The following HID1 variants were observed in gnomAD, a reference collection of about 807,000 sequenced individuals.
HID1 encodes the protein protein HID1.
Under a neutral mutation model 89.7 loss-of-function variants are expected in HID1, and 42 were observed. The observed-to-expected ratio is 0.47, with a 90% CI of 0.37 to 0.61. The LOEUF (loss-of-function observed/expected upper bound fraction) is 0.61, where lower values mean the gene tolerates loss of function less well. Among genes scored for constraint, HID1 ranks in the 20% least tolerant of loss-of-function variants. The pLI, the probability that HID1 is intolerant of heterozygous loss-of-function variation, is 0.00. For synonymous variants in HID1, 442 were observed against 433.8 expected (o/e 1.02, Z -0.24); for missense variants, 854 against 1,039.3 (o/e 0.82, Z 2.45).
intron 1 of HID1, among the ~76,000 whole-genome samples, chr17:74,969,809 C>G (rs995772559): frequency 6.6e-6 from 1 of 151,560 alleles, no homozygotes; most frequent in Non-Finnish European, 1.5e-5. Context: ...CTGTGTTGCC[C>G]AGGCTGGTCT....
rs368173041 is a variant in HID1, at chr17:74,962,185, G to A, written c.611+49C>T. ...GGCTTTCTGAGCTGTGCGGGGGCCC[G>A]GCCCGGGGTCCAGCTGCATTGAGGG... On this transcript the variant is annotated intron_variant, in intron 5 of 18. Transcript: ENST00000425042. This position sits in a 1 kb window ranked among gnomAD's most constrained non-coding sequence, Gnocchi z 4.3. 4.2e-5 allele frequency: 62 copies of A among 1,488,338 alleles called. No individual in the cohort carries two copies. The highest frequency in any genetic ancestry group is 1.8e-4 in the Middle Eastern group (1 of 5,578). 92.2% of individuals were successfully genotyped at this position (1,488,338 alleles called of 1,614,324 possible).
intron 1 of HID1, among the ~76,000 whole-genome samples, chr17:74,965,094 C>T (rs188278528): frequency 1.3e-5 from 2 of 152,366 alleles, no homozygotes; most frequent in African/African-American, 2.4e-5. Context: ...CACAGGCCTC[C>T]GGCTCTGCCC....
At chr17:74,955,310 C>T (rs967233518) in intron 13 of HID1, among the ~76,000 whole-genome samples, 3 of 152,204 alleles carry the variant, frequency 2.0e-5, no homozygotes, top group Middle Eastern at 3.4e-3. Context: ...TTTGGGAGGC[C>T]GAGGCAGGCA....
In HID1 at chr17:74,958,073, G is replaced by A; in HGVS notation, c.1471+68C>T. 7.1e-7 allele frequency: 1 copy of A among 1,409,482 alleles called. No homozygotes were observed. The highest frequency in any genetic ancestry group is 9.8e-7 in the Non-Finnish European group (1 of 1,023,808). 87.3% of individuals were successfully genotyped at this position (1,409,482 alleles called of 1,614,324 possible). On this transcript the variant is annotated intron_variant, in intron 12 of 18. Transcript: ENST00000425042. This position sits in a 1 kb window ranked among gnomAD's most constrained non-coding sequence, Gnocchi z 5.2. Reference sequence around the variant, plus strand: ...GAGGGGCTTGAAACCTGGAGCAAGTGGCAGGTTGGCCTGTGGCCTGACACC... The same window carrying A: ...GAGGGGCTTGAAACCTGGAGCAAGTAGCAGGTTGGCCTGTGGCCTGACACC...
In HID1 at chr17:74,954,337, G is replaced by C; in HGVS notation, c.1665C>G (p.Ile555Met). The change falls in exon 14 of 19, where the codon ATC becomes ATG. Residue 555 changes from isoleucine (I) to methionine (M), a missense_variant. By Grantham distance (10) the Ile-to-Met change is conservative (BLOSUM62 1). Transcript: ENST00000425042. Reference sequence around the variant, plus strand: ...GCTGGTGGAAGATGCTGCGCTTGCGGATGATGGCGTAGACCAGGTTGGAGT... The same window carrying C: ...GCTGGTGGAAGATGCTGCGCTTGCGCATGATGGCGTAGACCAGGTTGGAGT... ...DGNSNLVYAI[I>M]RKRSIFHQLA... 3.2e-6 allele frequency: 5 copies of C among 1,577,156 alleles called. No homozygotes were observed. Among genetic ancestry groups the C allele is most frequent in the Non-Finnish European group, 4.3e-6 (5 of 1,161,962 alleles).
chr17:74,967,283 G>A (rs2039577238), intron 1 of HID1, among the ~76,000 whole-genome samples: 1 of 151,740 alleles, frequency 6.6e-6, no homozygotes, highest in African/African-American at 2.4e-5. Context: ...GCTCACGCCT[G>A]TAATTCCAGC....
intron 2 of HID1, 58 bp from the exon 3 acceptor site, chr17:74,963,968 C>G (rs2039524428): frequency 6.3e-7 from 1 of 1,594,300 alleles, no homozygotes; most frequent in Non-Finnish European, 8.6e-7. Flanking sequence ...GACCCTGGCA[C>G]TTGGGGTCAG....
intron 1 of HID1, among the ~76,000 whole-genome samples, chr17:74,968,213 C>A (rs1444375555): frequency 6.6e-6 from 1 of 151,608 alleles, no homozygotes; most frequent in Non-Finnish European, 1.5e-5. Flanking sequence ...CCCCACCCCA[C>A]CCCCACCCTG....
At position 74,951,425 on chromosome 17, in the gene HID1, G is replaced by C; in HGVS notation, c.*145C>G. ...CAGTTCACATTGTCCTGGCCACAGG[G>C]GTCTCTAGGGCATGACACTCAGGGC... On this transcript the variant is annotated 3_prime_UTR_variant, in exon 19 of 19. Transcript: ENST00000425042. 2 of 747,058 alleles carry C rather than the reference G, an allele frequency of 2.7e-6. No individual in the cohort carries two copies. Among genetic ancestry groups the C allele is most frequent in the Non-Finnish European group, 4.6e-6 (2 of 439,490 alleles). 46.3% of individuals were successfully genotyped at this position (747,058 alleles called of 1,614,324 possible).
chr17:74,952,379 C>G lies in HID1; in HGVS notation c.2053-19G>C, dbSNP rs762724243. ...AGAGGACCTGGCGAGGGACGGGGTT[C>G]CTGGGGCTGAGAAAGCAGCCCCCGG... On this transcript the variant is annotated intron_variant, in intron 16 of 18. Coordinates refer to ENST00000425042, the MANE Select transcript of HID1 (RefSeq NM_030630.3). 2 of 1,607,960 alleles carry G rather than the reference C, an allele frequency of 1.2e-6. No homozygotes were observed. The highest frequency in any genetic ancestry group is 1.3e-5 in the African/African-American group (1 of 74,898).
In HID1 at chr17:74,962,969, G is replaced by A; in HGVS notation, c.500C>T (p.Thr167Ile). The change falls in exon 4 of 19, where the codon ACT (threonine) becomes ATT (isoleucine). Residue 167 changes from threonine (T) to isoleucine (I), a missense_variant. Physicochemically the swap from Thr to Ile is moderately conservative, Grantham distance 89. Coordinates refer to ENST00000425042, the MANE Select transcript of HID1 (RefSeq NM_030630.3). The surrounding 1 kb of genome is among the most constrained non-coding windows in gnomAD (Gnocchi z 4.3). ...GGGGGGCTGGGGGACACTCACCACA[G>A]TGCTCCTCCGGTGGCTCTGAACCGT... Reference protein sequence around the residue: ...DFTVQSHRRSTVDSAEDVHSL... With the variant: ...DFTVQSHRRSIVDSAEDVHSL... The A allele has an allele frequency of 6.2e-7, 1 of 1,610,468 alleles. No homozygotes were observed. The highest frequency in any genetic ancestry group is 8.5e-7 in the Non-Finnish European group (1 of 1,177,330).
chr17:74,964,318 C>T lies in HID1; in HGVS notation c.216+165G>A, dbSNP rs146459070. ...GGACTCCCCCATAAATGACGGCTGC[C>T]GTGGTCCCAACGCCCAGCAAAGAGA... is the stretch of plus-strand genomic sequence containing the variant. On this transcript the variant is annotated intron_variant, in intron 2 of 18. Coordinates refer to ENST00000425042, the MANE Select transcript of HID1 (RefSeq NM_030630.3). 176 of 748,876 alleles carry T rather than the reference C, an allele frequency of 2.4e-4. 1 individual carries two copies. In the African/African-American group the frequency reaches 2.8e-3, roughly 12 times the overall value. The allele number at this position is 748,876 out of a possible 1,614,324, so 46.4% of individuals were successfully genotyped here. A position where few individuals can be genotyped will look rare whatever the true frequency, so the allele number is the denominator to read the frequency against.
chr17:74,969,466 A>G (rs1381928057), intron 1 of HID1, among the ~76,000 whole-genome samples: 2 of 152,086 alleles, frequency 1.3e-5, no homozygotes, highest in Admixed American at 1.3e-4. Flanking sequence ...GATTACAGGC[A>G]TGAGCCACCG....
chr17:74,952,780 A>T (rs1399707971), intron 16 of HID1, among the ~76,000 whole-genome samples: 1 of 152,196 alleles, frequency 6.6e-6, no homozygotes, highest in Non-Finnish European at 1.5e-5. Context: ...CTCTGGCAAC[A>T]GTGTAGACAG....
chr17:74,955,722 G>A (rs888601667), intron 13 of HID1, 70 bp downstream of exon 13: 65 of 1,472,074 alleles, frequency 4.4e-5, no homozygotes, highest in Non-Finnish European at 5.8e-5. Context: ...CTCCTGGGCT[G>A]TGCCCCCCTT....
chr17:74,969,793 G>T (rs1445086072), intron 1 of HID1, among the ~76,000 whole-genome samples: 5 of 151,186 alleles, frequency 3.3e-5, no homozygotes, highest in Non-Finnish European at 7.4e-5. Context: ...TAGAGATAGG[G>T]TCTTGCTGTG....
At chr17:74,953,159 C>A in intron 15 of HID1, 73 bp from the exon 16 acceptor site, 1 of 1,231,438 alleles carries the variant, frequency 8.1e-7, no homozygotes, top group Non-Finnish European at 1.1e-6. Context: ...GCAATGAGCC[C>A]TCTCCACTGG....
rs912429839 is a variant in HID1 at position 74,960,201 on chromosome 17, T to C, written c.776A>G (p.Tyr259Cys). 1.2e-6 allele frequency: 2 copies of C among 1,613,546 alleles called. No homozygotes were observed. Among genetic ancestry groups the C allele is most frequent in the Non-Finnish European group, 1.7e-6 (2 of 1,180,026 alleles). ...GGGGATCCCGTAGCCCACAGGGTCATAGGCACACACGGTGTTGAGGAGGGA... is the reference window on the plus strand; with the variant it reads ...GGGGATCCCGTAGCCCACAGGGTCACAGGCACACACGGTGTTGAGGAGGGA... ...FTSLLNTVCA[Y>C]DPVGYGIPYN... Residue 259 changes from tyrosine (Y) to cysteine (C), a missense_variant, in exon 7 of 19, where the codon TAT becomes TGT. Transcript: ENST00000425042.
chr17:74,962,168 G>A lies in HID1; in HGVS notation c.611+66C>T. ...TCTGGGAAGACCCCATGGGCTTTCTGAGCTGTGCGGGGGCCCGGCCCGGGG... is the reference window on the plus strand; with the variant it reads ...TCTGGGAAGACCCCATGGGCTTTCTAAGCTGTGCGGGGGCCCGGCCCGGGG... On this transcript the variant is annotated intron_variant, in intron 5 of 18. Coordinates refer to ENST00000425042, the MANE Select transcript of HID1 (RefSeq NM_030630.3). The surrounding 1 kb of genome is among the most constrained non-coding windows in gnomAD (Gnocchi z 4.3). The A allele has an allele frequency of 7.2e-7, 1 of 1,382,538 alleles. No homozygotes were observed. Among genetic ancestry groups the A allele is most frequent in the South Asian group, 1.3e-5 (1 of 77,856 alleles). The allele number at this position is 1,382,538 out of a possible 1,614,324, so 85.6% of individuals were successfully genotyped here. A position where few individuals can be genotyped will look rare whatever the true frequency, so the allele number is the denominator to read the frequency against.
Sources: gnomAD v4.1 joint callset for allele counts (sites outside exome capture counted in the v4.1 genomes callset) on GRCh38, gnomAD v4.1.1 for gene constraint, Gnocchi (gnomAD v3.1) non-coding constraint, MANE v1.5 for transcripts, NCBI Gene and HGNC (gene_info 2026-07-23, HGNC 2026-07-21) for gene names.